Variants in SMARCAD1 observed in about 807,000 individuals in gnomAD.
SMARCAD1 encodes SWI/SNF-related matrix-associated actin-dependent regulator of chromatin subfamily A containing DEAD/H box 1.
SMARCAD1 carries 25 observed loss-of-function variants against 127.1 expected under a neutral mutation model. The ratio of observed to expected loss-of-function variants is 0.20; its 90% CI spans 0.14 to 0.27. SMARCAD1 has a LOEUF of 0.27. Ranked by LOEUF, SMARCAD1 falls within the 10% of genes least tolerant of loss-of-function variation. The pLI is 1.00. For synonymous variants in SMARCAD1, 400 were observed against 396.9 expected, an observed-to-expected ratio of 1.01 and a Z score of -0.09; for missense variants, 807 against 1,206.0, an observed-to-expected ratio of 0.67 and a Z score of 4.90.
At position 94,284,966 on chromosome 4, in the gene SMARCAD1, A is replaced by G. The variant is rs1754723669; in HGVS notation, c.2916A>G (p.Val972=). The change falls in exon 23 of 24, where the codon GTA becomes GTG. Residue 972 remains valine, a synonymous_variant. Transcript: ENST00000354268. ...ATTTTGTATTTTTTTTTAGAGAAGT[A>G]CTAGTTATAAAACTAATAAGCCAAG... The part of the protein sequence containing the change: ...RCHRVGQTKE[V]LVIKLISQGT... 6.3e-7 allele frequency: 1 copy of G among 1,588,382 alleles called. No individual in the cohort carries two copies. Among genetic ancestry groups the G allele is most frequent in the Non-Finnish European group, 8.6e-7 (1 of 1,156,820 alleles).
chr4:94,229,512 T>G (rs1222326437), intron 3 of SMARCAD1, among the ~76,000 whole-genome samples: 4 of 152,144 alleles, frequency 2.6e-5, no homozygotes, highest in East Asian at 1.9e-4. Context: ...GCTGTTGTGT[T>G]TGTTTGAGGG....
chr4:94,283,695 G>A (rs1481660966), intron 22 of SMARCAD1, among the ~76,000 whole-genome samples: 1 of 151,546 alleles, frequency 6.6e-6, no homozygotes, highest in African/African-American at 2.4e-5. Context: ...CATGGTGGCG[G>A]GTGCCTGTAG....
chr4:94,213,840 T>C (rs1026954456), intron 2 of SMARCAD1, among the ~76,000 whole-genome samples: 2 of 152,116 alleles, frequency 1.3e-5, no homozygotes. Flanking sequence ...AGTACCAAGG[T>C]AGTAGATGGT....
At chr4:94,243,139 A>G (rs949325395) in intron 6 of SMARCAD1, among the ~76,000 whole-genome samples, 11 of 152,092 alleles carry the variant, frequency 7.2e-5, no homozygotes, top group Non-Finnish European at 1.6e-4. Flanking sequence ...GTGTTTCACC[A>G]TATTAGCCGG....
At chr4:94,222,321 T>A (rs1302757858) in intron 2 of SMARCAD1, among the ~76,000 whole-genome samples, 1 of 152,212 alleles carries the variant, frequency 6.6e-6, no homozygotes, top group Non-Finnish European at 1.5e-5. Flanking sequence ...ACTTTTATTT[T>A]CAAGTATGGT....
chr4:94,253,610 GAT>G (rs1232759658), intron 9 of SMARCAD1: 1 of 1,030,164 alleles, frequency 9.7e-7, no homozygotes, highest in Non-Finnish European at 1.2e-6. Context: ...TAATTGGAAA[GAT>G]AGAAAAATTT....
intron 9 of SMARCAD1, among the ~76,000 whole-genome samples, chr4:94,260,723 C>T (rs992488276): frequency 2.6e-5 from 4 of 152,130 alleles, no homozygotes; most frequent in Admixed American, 6.5e-5. Flanking sequence ...CTAAATGTTG[C>T]CGTTCATATA....
chr4:94,266,321 A>G (rs1443857578), intron 10 of SMARCAD1, among the ~76,000 whole-genome samples: 3 of 152,128 alleles, frequency 2.0e-5, no homozygotes, highest in Non-Finnish European at 4.4e-5. Context: ...TCTCAAAACC[A>G]CATTCACAAA....
intron 9 of SMARCAD1, among the ~76,000 whole-genome samples, chr4:94,257,643 C>T (rs1025870483): frequency 1.3e-5 from 2 of 152,006 alleles, no homozygotes; most frequent in Non-Finnish European, 2.9e-5. Flanking sequence ...TACACATATA[C>T]TTAGATTAAC....
At chr4:94,273,498 T>G (rs1353334861) in intron 11 of SMARCAD1, 119 bp from the exon 12 acceptor site, 5 of 720,678 alleles carry the variant, frequency 6.9e-6, no homozygotes, top group Non-Finnish European at 1.2e-5. Context: ...CCTTTAGAGT[T>G]GCATTCTGGG....
At position 94,208,600 on chromosome 4, in the gene SMARCAD1, AAAATTGATGT is replaced by A; in HGVS notation, c.190+19_190+28del. The A allele has an allele frequency of 1.2e-6, 2 of 1,610,420 alleles. No individual in the cohort carries two copies. Among genetic ancestry groups the A allele is most frequent in the Non-Finnish European group, 1.7e-6 (2 of 1,176,716 alleles). ...GAAAAAACAGGTGAGTTACAATGTT[AAAATTGATGT>A]AACATCAAGGACAGTTTTTAAAAGA... On this transcript the variant is annotated intron_variant, in intron 2 of 23. Coordinates refer to ENST00000354268, the MANE Select transcript of SMARCAD1 (RefSeq NM_020159.5).
In SMARCAD1 at chr4:94,290,180, T is replaced by C. The variant is rs1560576496; in HGVS notation, c.*646T>C. On this transcript the variant is annotated 3_prime_UTR_variant, in exon 24 of 24. Coordinates refer to ENST00000354268, the MANE Select transcript of SMARCAD1 (RefSeq NM_020159.5). ...AGGCACTAAGTTGTTTTCCAGTGAA[T>C]AGTAACTAAAGAAGCCCCTACCTTG... The C allele has an allele frequency of 2.2e-6, 1 of 454,480 alleles. No homozygotes were observed. The highest frequency in any genetic ancestry group is 2.0e-5 in the African/African-American group (1 of 50,118). 28.2% of individuals were successfully genotyped at this position (454,480 alleles called of 1,614,324 possible). A position where few individuals can be genotyped will look rare whatever the true frequency, so the allele number is the denominator to read the frequency against.
intron 10 of SMARCAD1, 85 bp from the exon 11 acceptor site, chr4:94,270,643 T>C (rs1186663209): frequency 8.7e-7 from 1 of 1,148,138 alleles, no homozygotes; most frequent in Non-Finnish European, 1.3e-6. Context: ...ACCTAGGCAT[T>C]TTAGTTTTTA....
At chr4:94,256,322 T>C (rs1214461693) in intron 9 of SMARCAD1, among the ~76,000 whole-genome samples, 1 of 152,102 alleles carries the variant, frequency 6.6e-6, no homozygotes, top group East Asian at 1.9e-4. Context: ...CCTCATTATG[T>C]TACTCTCATC....
chr4:94,273,804 G>T, intron 12 of SMARCAD1, 88 bp downstream of exon 12: 8 of 1,032,188 alleles, frequency 7.8e-6, no homozygotes, highest in Non-Finnish European at 1.2e-5. Flanking sequence ...TGTCGGAGGG[G>T]TGTTGTGGTT....
At chr4:94,248,217 T>A (rs1255584712) in intron 6 of SMARCAD1, among the ~76,000 whole-genome samples, 1 of 152,232 alleles carries the variant, frequency 6.6e-6, no homozygotes, top group Non-Finnish European at 1.5e-5. Context: ...CATAATGCTT[T>A]CAGATATACT....
chr4:94,215,113 C>A (rs915987907), intron 2 of SMARCAD1, among the ~76,000 whole-genome samples: 4 of 152,074 alleles, frequency 2.6e-5, no homozygotes, highest in Admixed American at 6.5e-5. Context: ...TTCATAATTC[C>A]GTGACCATTG....
chr4:94,269,509 T>TA (rs1454897183), intron 10 of SMARCAD1, among the ~76,000 whole-genome samples: 330 of 150,492 alleles, frequency 2.2e-3, no homozygotes, highest in South Asian at 6.4e-3. Flanking sequence ...TTTTTTTTTT[T>TA]ATCTGTTAAA....
intron 13 of SMARCAD1, 31 bp downstream of exon 13, chr4:94,274,828 G>A: frequency 1.2e-6 from 2 of 1,610,566 alleles, no homozygotes; most frequent in Non-Finnish European, 1.7e-6. Flanking sequence ...TTTTAACTTT[G>A]GAAATTAAAA....
Sources: allele counts gnomAD v4.1 joint callset (sites outside exome capture counted in the v4.1 genomes callset), GRCh38; gene constraint gnomAD v4.1.1; transcripts MANE v1.5; gene names NCBI Gene and HGNC (gene_info 2026-07-23, HGNC 2026-07-21).